The following MAML3 variants were observed in gnomAD, a reference collection of about 807,000 sequenced individuals.
The protein encoded by MAML3 is mastermind like transcriptional coactivator 3, also known as mastermind-like protein 3.
MAML3 carries 27 observed loss-of-function variants against 101.9 expected under a neutral mutation model. That is an observed-to-expected ratio of 0.27 (90% CI 0.20 to 0.37). MAML3 has a LOEUF of 0.37. Among genes scored for constraint, MAML3 ranks in the 10% least tolerant of loss-of-function variants. MAML3 has a pLI of 1.00. For synonymous variants in MAML3, 501 were observed against 555.9 expected (o/e 0.90, Z 1.39); for missense variants, 1,316 against 1,444.9 (o/e 0.91, Z 1.45).
intron 1 of MAML3, among the ~76,000 whole-genome samples, chr4:140,093,294 T>A (rs1488445488): frequency 1.3e-5 from 2 of 152,222 alleles, no homozygotes; most frequent in Non-Finnish European, 1.5e-5. Flanking sequence ...ATGTGACTTT[T>A]TATAACTAAA....
intron 1 of MAML3, among the ~76,000 whole-genome samples, chr4:139,951,551 C>A: frequency 6.6e-6 from 1 of 152,240 alleles, no homozygotes; most frequent in East Asian, 1.9e-4. Flanking sequence ...TGGGGGCTGA[C>A]GCATGCAGAG....
chr4:139,971,278 C>G (rs1454962668), intron 1 of MAML3, among the ~76,000 whole-genome samples: 2 of 152,228 alleles, frequency 1.3e-5, no homozygotes, highest in Admixed American at 1.3e-4. Context: ...CCCTCTCAAT[C>G]AACTCTCATT....
chr4:139,995,555 A>C (rs1164295172), intron 1 of MAML3, among the ~76,000 whole-genome samples: 1 of 152,062 alleles, frequency 6.6e-6, no homozygotes, highest in East Asian at 1.9e-4. Flanking sequence ...TTCCTGAGTC[A>C]GTTTTGGTGA....
Position 139,890,375 on chromosome 4 carries a change from C to T in MAML3, c.1061G>A (p.Ser354Asn), listed in dbSNP as rs754702918. 6.2e-7 allele frequency: 1 copy of T among 1,602,918 alleles called. No homozygotes were observed. Among genetic ancestry groups the T allele is most frequent in the Non-Finnish European group, 8.5e-7 (1 of 1,173,106 alleles). ...AGAGGGGTCGCTCTTCACGCTCGCA[C>T]TCTCCTGGGAGAGAGGGGTCTCAGT... Reference protein sequence around the residue: ...PATETPLSQESASVKSDPSHS... With the variant: ...PATETPLSQENASVKSDPSHS... The change falls in exon 2 of 5, where the codon AGT becomes AAT. Residue 354 changes from serine (S) to asparagine (N), a missense_variant. Physicochemically the swap from Ser to Asn is conservative, Grantham distance 46. Coordinates refer to ENST00000509479, the MANE Select transcript of MAML3 (RefSeq NM_018717.5). This position sits in a 1 kb window ranked among gnomAD's most constrained non-coding sequence, Gnocchi z 4.1.
chr4:139,927,072 C>CTTTTTTTTTTTTTTTTTTTTTT (rs61573991), intron 1 of MAML3, among the ~76,000 whole-genome samples: 3 of 134,732 alleles, frequency 2.2e-5, no homozygotes, highest in Non-Finnish European at 3.1e-5. Flanking sequence ...TTTCTTTTTT[C>CTTTTTTTTTTTTTTTTTTTTTT]TTTTTTTTTT....
chr4:139,775,703 T>C (rs779829577), intron 2 of MAML3, among the ~76,000 whole-genome samples: 23 of 152,144 alleles, frequency 1.5e-4, no homozygotes, highest in Non-Finnish European at 3.1e-4. Flanking sequence ...GCATCCTTGT[T>C]TCATTGTTGT....
chr4:139,824,252 C>A (rs1305058962), intron 2 of MAML3, among the ~76,000 whole-genome samples: 1 of 152,166 alleles, frequency 6.6e-6, no homozygotes, highest in Non-Finnish European at 1.5e-5. Flanking sequence ...CCACTAACTG[C>A]AATCAGAAAA....
chr4:139,923,645 C>T (rs564478527), intron 1 of MAML3, among the ~76,000 whole-genome samples: 68 of 142,130 alleles, frequency 4.8e-4, no homozygotes, highest in South Asian at 3.3e-3. Context: ...TGTGTGTACA[C>T]CTTTTAATAA....
chr4:140,026,588 C>A (rs769678413), intron 1 of MAML3, among the ~76,000 whole-genome samples: 1 of 152,254 alleles, frequency 6.6e-6, no homozygotes, highest in South Asian at 2.1e-4. Context: ...AAAACCTTTA[C>A]GACAGAAAGA....
intron 2 of MAML3, among the ~76,000 whole-genome samples, chr4:139,888,432 G>T (rs1258725629): frequency 1.3e-5 from 2 of 152,172 alleles, no homozygotes; most frequent in Non-Finnish European, 2.9e-5. Context: ...GATCTCTCTT[G>T]AATTCATCCA....
intron 2 of MAML3, among the ~76,000 whole-genome samples, chr4:139,747,116 C>T (rs1480840659): frequency 6.6e-6 from 1 of 152,278 alleles, no homozygotes; most frequent in East Asian, 1.9e-4. Context: ...TGGAGGGAAG[C>T]CCTGTCCTCA....
chr4:139,932,443 A>C (rs1239330215), intron 1 of MAML3, among the ~76,000 whole-genome samples: 1 of 152,220 alleles, frequency 6.6e-6, no homozygotes, highest in African/African-American at 2.4e-5. Context: ...GAGTCAGTTA[A>C]GTGCTTTAAT....
chr4:140,004,528 G>A (rs556081806), intron 1 of MAML3, among the ~76,000 whole-genome samples: 14 of 152,258 alleles, frequency 9.2e-5, no homozygotes, highest in African/African-American at 3.4e-4. Flanking sequence ...AGTAAGAAAG[G>A]GAGGGGTTTG....
intron 4 of MAML3, among the ~76,000 whole-genome samples, chr4:139,722,699 CTAA>C (rs1247790903): frequency 6.6e-6 from 1 of 152,158 alleles, no homozygotes; most frequent in Non-Finnish European, 1.5e-5. Context: ...GATCCAGAAC[CTAA>C]TGAGGGAAAG....
intron 2 of MAML3, among the ~76,000 whole-genome samples, chr4:139,790,676 T>G (rs541809934): frequency 1.0e-3 from 152 of 152,330 alleles, no homozygotes; most frequent in African/African-American, 3.2e-3. Flanking sequence ...TTATTTCACT[T>G]AACATAATGT....
intron 2 of MAML3, among the ~76,000 whole-genome samples, chr4:139,871,484 T>C (rs916439275): frequency 6.6e-6 from 1 of 152,210 alleles, no homozygotes; most frequent in Non-Finnish European, 1.5e-5. Flanking sequence ...TTTGGACCTA[T>C]TTCCAGGGTC....
rs1232453482 is a variant in MAML3, at chr4:139,719,548, G to A, written c.3192C>T (p.Pro1064=). ...CACTGGGTATCTGCTGCTGTGCTGG[G>A]GGCTGGCTGAACGCTGGCATGCCTG... ...GVPGMPAFSQ[P]PAQQQIPSGS... is the part of the protein sequence containing the mutation. Residue 1064 remains proline (P), a synonymous_variant, in exon 5 of 5, where the codon CCC becomes CCT. Coordinates refer to ENST00000509479, the MANE Select transcript of MAML3 (RefSeq NM_018717.5). 4 of 1,613,842 alleles carry A rather than the reference G, an allele frequency of 2.5e-6. No homozygotes were observed. The highest frequency in any genetic ancestry group is 3.4e-6 in the Non-Finnish European group (4 of 1,179,826).
At chr4:139,981,924 C>T (rs879468472) in intron 1 of MAML3, among the ~76,000 whole-genome samples, 17 of 152,142 alleles carry the variant, frequency 1.1e-4, no homozygotes, top group South Asian at 2.1e-4. Flanking sequence ...TGATTTATCA[C>T]GACTGATGTG....
chr4:139,930,636 A>C (rs577028509), intron 1 of MAML3, among the ~76,000 whole-genome samples: 11 of 152,144 alleles, frequency 7.2e-5, no homozygotes, highest in Non-Finnish European at 1.6e-4. Context: ...ATCATCTTCT[A>C]CCCACATGTG....
Sources: gnomAD v4.1 joint callset for allele counts (sites outside exome capture counted in the v4.1 genomes callset) on GRCh38, gnomAD v4.1.1 for gene constraint, Gnocchi (gnomAD v3.1) non-coding constraint, MANE v1.5 for transcripts, NCBI Gene and HGNC (gene_info 2026-07-23, HGNC 2026-07-21) for gene names.